Variants in USO1 observed in about 807,000 individuals in gnomAD.
The protein encoded by USO1 is general vesicular transport factor p115.
USO1 carries 57 observed loss-of-function variants against 124.5 expected under a neutral mutation model. The ratio of observed to expected loss-of-function variants is 0.46; its 90% CI spans 0.37 to 0.57. The LOEUF is 0.57. USO1 is among the 20% of genes least tolerant of loss of function. The probability of loss-of-function intolerance (pLI) is 0.00; values close to 1 mark genes in which losing one functional copy is unlikely to be tolerated. For missense variants in USO1, 900 were observed against 1,040.6 expected (o/e 0.86, Z 1.86); for synonymous variants, 369 against 362.8 (o/e 1.02, Z -0.19).
chr4:75,788,812 C>T (rs1262111236), intron 10 of USO1, among the ~76,000 whole-genome samples: 1 of 151,946 alleles, frequency 6.6e-6, no homozygotes, highest in African/African-American at 2.4e-5. Context: ...GGATTACAGG[C>T]GTGAGCCACT....
intron 4 of USO1, among the ~76,000 whole-genome samples, chr4:75,760,438 G>A (rs1268317687): frequency 5.9e-5 from 9 of 152,134 alleles, no homozygotes; most frequent in African/African-American, 1.7e-4. Flanking sequence ...TATATCTGAG[G>A]TATTTGACCA....
At chr4:75,724,947 C>A in intron 1 of USO1, 62 bp downstream of exon 1, 2 of 1,580,566 alleles carry the variant, frequency 1.3e-6, no homozygotes, top group South Asian at 1.1e-5. Context: ...GGACGGAGCA[C>A]TCGGAGACCC....
In USO1 at chr4:75,741,285, A is replaced by G. The variant is rs78112405; in HGVS notation, c.67-11088A>G. Among the ~76,000 whole-genome samples, 70 of 152,348 alleles carry G rather than the reference A, an allele frequency of 4.6e-4. 2 individuals carry two copies. The East Asian group carries it at 0.011, about 23-fold the overall frequency. Reference sequence around the variant, plus strand: ...CTATATAGGTCGCTTAATCATGAATAGAGCTTGCAGGACCAGAAGTTGCTC... The same window carrying G: ...CTATATAGGTCGCTTAATCATGAATGGAGCTTGCAGGACCAGAAGTTGCTC... On this transcript the variant is annotated intron_variant, in intron 1 of 23. Transcript: ENST00000514213.
chr4:75,786,986 G>C lies in USO1; in HGVS notation c.856-76G>C. On this transcript the variant is annotated intron_variant, in intron 9 of 23. Transcript: ENST00000514213. The stretch of plus-strand genomic sequence containing the variant: ...GGGAGTACTTCATGCAGACTTTCTT[G>C]TTCACATAGATCAGATTTGCCTCAA... 4 of 1,432,422 alleles carry C rather than the reference G, an allele frequency of 2.8e-6. No individual in the cohort carries two copies. The South Asian group carries it at 4.8e-5, about 17-fold the overall frequency. 88.7% of individuals were successfully genotyped at this position (1,432,422 alleles called of 1,614,324 possible).
At chr4:75,744,999 G>A (rs996375983) in intron 1 of USO1, 15 of 425,130 alleles carry the variant, frequency 3.5e-5, no homozygotes, top group East Asian at 2.6e-4. Context: ...TTAAATTTAG[G>A]TCTTTCCGTT....
chr4:75,790,852 C>G (rs1273742338), intron 12 of USO1, 55 bp downstream of exon 12: 2 of 1,452,254 alleles, frequency 1.4e-6, no homozygotes, highest in South Asian at 3.0e-5. Flanking sequence ...GTCTTCCAAG[C>G]TTTTAATTGA....
intron 4 of USO1, among the ~76,000 whole-genome samples, chr4:75,766,184 A>G (rs536065010): frequency 5.8e-4 from 88 of 152,320 alleles, no homozygotes; most frequent in Non-Finnish European, 1.2e-3. Flanking sequence ...AAGGTAAAAT[A>G]TCAAGACTTA....
intron 1 of USO1, among the ~76,000 whole-genome samples, chr4:75,734,262 GT>G (rs1231290569): frequency 2.6e-5 from 4 of 151,932 alleles, no homozygotes; most frequent in African/African-American, 9.7e-5. Flanking sequence ...GCTTTTTATA[GT>G]TTTAGGTCTT....
At position 75,795,396 on chromosome 4, in the gene USO1, T is replaced by C. The variant is rs753383789; in HGVS notation, c.1452+1495T>C. 5.7e-5 allele frequency: 40 copies of C among 700,240 alleles called. No homozygotes were observed. In the Middle Eastern group the frequency reaches 2.3e-3, roughly 40 times the overall value. 43.4% of individuals were successfully genotyped at this position (700,240 alleles called of 1,614,324 possible). A position where few individuals can be genotyped will look rare whatever the true frequency, so the allele number is the denominator to read the frequency against. ...ATTAAGCTTAGGCATTTTCCTCTTA[T>C]AGCAAAGCTTTTTCTCTGTCTTGGG... is the stretch of plus-strand genomic sequence containing the variant. On this transcript the variant is annotated intron_variant, in intron 13 of 23. Coordinates refer to ENST00000514213, the MANE Select transcript of USO1 (RefSeq NM_003715.4).
chr4:75,724,878 C>T lies in USO1; in HGVS notation c.59C>T (p.Ala20Val). The change falls in exon 1 of 24, where the codon GCC becomes GTC. Residue 20 changes from alanine to valine, a missense_variant. Physicochemically the swap from Ala to Val is moderately conservative, Grantham distance 64 (BLOSUM62 0). Coordinates refer to ENST00000514213, the MANE Select transcript of USO1 (RefSeq NM_003715.4). ...AGTGCCGGACCCCAGCACACAGAAG[C>T]CGAGACGGTGAGAGGAGCAGCGGGT... ...GQSAGPQHTEAETIQKLCDRV... is the reference protein window; with the variant it reads ...GQSAGPQHTEVETIQKLCDRV... 1 of 1,613,354 alleles carries T rather than the reference C, an allele frequency of 6.2e-7. No homozygotes were observed. The highest frequency in any genetic ancestry group is 2.2e-5 in the East Asian group (1 of 44,744).
In USO1 at chr4:75,741,008, G is replaced by A. The variant is rs538011153; in HGVS notation, c.67-11365G>A. Among the ~76,000 whole-genome samples, 12 of 152,128 alleles carry A rather than the reference G, an allele frequency of 7.9e-5. No individual in the cohort carries two copies. The East Asian group carries it at 1.2e-3, about 15-fold the overall frequency. On this transcript the variant is annotated intron_variant, in intron 1 of 23. Coordinates refer to ENST00000514213, the MANE Select transcript of USO1 (RefSeq NM_003715.4). ...TGATAGTTCTTGGTAGCTCAGTGTC[G>A]GGGCTAAATTCTGAGAAATGCATTA...
chr4:75,787,172 T>C lies in USO1; in HGVS notation c.966T>C (p.Ala322=), dbSNP rs192189640. ...AGCAGCTTTGTACTATCCTAATGGCTACTGGGGTTCCTGCTGATATCCTGA... is the reference window on the plus strand; with the variant it reads ...AGCAGCTTTGTACTATCCTAATGGCCACTGGGGTTCCTGCTGATATCCTGA... ...LLQQLCTILM[A]TGVPADILTE... Residue 322 remains alanine (A), a synonymous_variant, in exon 10 of 24, where the codon GCT becomes GCC. Transcript: ENST00000514213. 2 of 1,565,484 alleles carry C rather than the reference T, an allele frequency of 1.3e-6. No individual in the cohort carries two copies. The highest frequency in any genetic ancestry group is 2.5e-5 in the East Asian group (1 of 40,468).
At chr4:75,739,012 C>A (rs1012159375) in intron 1 of USO1, among the ~76,000 whole-genome samples, 1 of 151,958 alleles carries the variant, frequency 6.6e-6, no homozygotes, top group African/African-American at 2.4e-5. Flanking sequence ...GCCACCATGC[C>A]CAGCTAATTT....
At chr4:75,779,104 G>C (rs1473576091) in intron 8 of USO1, among the ~76,000 whole-genome samples, 1 of 152,152 alleles carries the variant, frequency 6.6e-6, no homozygotes, top group Admixed American at 6.6e-5. Context: ...ACCACAAACA[G>C]TGCCCATATA....
chr4:75,800,818 A>G lies in USO1; in HGVS notation c.1864+19A>G. ...CTTGAAGGTAAGACTGAAGATTTAT[A>G]TTGATATTTGATGGAAAGTAATTAT... On this transcript the variant is annotated intron_variant, in intron 16 of 23. Coordinates refer to ENST00000514213, the MANE Select transcript of USO1 (RefSeq NM_003715.4). 1.2e-6 allele frequency: 2 copies of G among 1,605,100 alleles called. No individual in the cohort carries two copies. Among genetic ancestry groups the G allele is most frequent in the Non-Finnish European group, 1.7e-6 (2 of 1,175,474 alleles).
At chr4:75,754,208 C>T (rs926952906) in intron 3 of USO1, among the ~76,000 whole-genome samples, 4 of 152,006 alleles carry the variant, frequency 2.6e-5, no homozygotes, top group East Asian at 1.9e-4. Flanking sequence ...CTCAGCCTCC[C>T]GAGTACCTGG....
chr4:75,729,498 C>A (rs930548872), intron 1 of USO1, among the ~76,000 whole-genome samples: 1 of 152,006 alleles, frequency 6.6e-6, no homozygotes, highest in Non-Finnish European at 1.5e-5. Context: ...CGCCACCACG[C>A]CAGGCTAATT....
At chr4:75,747,829 A>G (rs1475303193) in intron 1 of USO1, among the ~76,000 whole-genome samples, 1 of 144,174 alleles carries the variant, frequency 6.9e-6, no homozygotes, top group East Asian at 2.1e-4. Flanking sequence ...GTTAACCAAG[A>G]TGGTCTCGAT....
chr4:75,736,166 A>G (rs1720782889), intron 1 of USO1, among the ~76,000 whole-genome samples: 1 of 152,166 alleles, frequency 6.6e-6, no homozygotes, highest in African/African-American at 2.4e-5. Flanking sequence ...AGAGATAACC[A>G]CTATTACTAG....
Sources: allele counts gnomAD v4.1 joint callset (sites outside exome capture counted in the v4.1 genomes callset), GRCh38; gene constraint gnomAD v4.1.1; transcripts MANE v1.5; gene names NCBI Gene and HGNC (gene_info 2026-07-23, HGNC 2026-07-21).